Variants in UNC80 observed in about 807,000 individuals in gnomAD.
The protein encoded by UNC80 is unc-80 subunit of NALCN channel complex, also known as protein unc-80 homolog.
Under a neutral mutation model 384.6 loss-of-function variants are expected in UNC80, and 164 were observed. That is an observed-to-expected ratio of 0.43 (90% CI 0.38 to 0.49). The LOEUF is 0.49. Among genes scored for constraint, UNC80 ranks in the 20% least tolerant of loss-of-function variants. The pLI is 0.00. For missense variants in UNC80, 3,330 were observed against 4,143.0 expected, an observed-to-expected ratio of 0.80 and a Z score of 5.39; for synonymous variants, 1,486 against 1,527.8, an observed-to-expected ratio of 0.97 and a Z score of 0.64.
intron 27 of UNC80, among the ~76,000 whole-genome samples, chr2:209,895,147 A>G (rs1041721567): frequency 6.6e-6 from 1 of 152,230 alleles, no homozygotes; most frequent in African/African-American, 2.4e-5. Context: ...AGTCCAAAAT[A>G]TGGGCCCTAA....
intron 22 of UNC80, among the ~76,000 whole-genome samples, chr2:209,868,857 A>G (rs2084056482): frequency 6.6e-6 from 1 of 152,194 alleles, no homozygotes; most frequent in African/African-American, 2.4e-5. Flanking sequence ...TTGCCTTCCC[A>G]GTTAAAATCG....
In UNC80 at chr2:209,980,478, T is replaced by A. The variant is rs1487221610; in HGVS notation, c.9119-1701T>A. 2.0e-5 allele frequency among the ~76,000 whole-genome samples: 3 copies of A among 152,192 alleles called. No homozygotes were observed. In the East Asian group the frequency reaches 5.8e-4, roughly 29 times the overall value. On this transcript the variant is annotated intron_variant, in intron 59 of 64. Transcript: ENST00000673920. ...AGCCATGCAATTTTTTGCTTATATC[T>A]CTGATCACAGACATCGTAACCATCC...
chr2:209,927,035 T>C (rs1021702756), intron 36 of UNC80, 49 bp downstream of exon 36: 2 of 1,543,796 alleles, frequency 1.3e-6, no homozygotes, highest in African/African-American at 2.7e-5. Flanking sequence ...AAGCTGTTTA[T>C]CTGATAGAAG....
In UNC80 at chr2:209,922,288, CTG is replaced by C. The variant is rs2090097617; in HGVS notation, c.5570_5571del (p.Val1857GlufsTer30). On this transcript the variant is annotated frameshift_variant, in exon 35 of 65. Transcript: ENST00000673920. LOFTEE classifies it high-confidence loss of function. ...ACCAATCTGGCATCCCGTCGACTGT[CTG>C]TGAGTCCATCCTGCACCTCCAGCAC... The C allele has an allele frequency of 6.4e-7, 1 of 1,552,242 alleles. No individual in the cohort carries two copies. The highest frequency in any genetic ancestry group is 8.7e-7 in the Non-Finnish European group (1 of 1,147,092).
chr2:209,935,857 C>G lies in UNC80; in HGVS notation c.6273+49C>G, dbSNP rs911576352. ...CAATTTTTAAGGACAATGCTATGGC[C>G]ACCTCACTGAAGATCCATTTTAGAA... On this transcript the variant is annotated intron_variant, in intron 40 of 64. Coordinates refer to ENST00000673920, the MANE Select transcript of UNC80 (RefSeq NM_001371986.1). The G allele has an allele frequency of 7.2e-6, 8 of 1,112,742 alleles. No homozygotes were observed. The African/African-American group carries it at 1.3e-4, about 18-fold the overall frequency. The allele number at this position is 1,112,742 out of a possible 1,614,324, so 68.9% of individuals were successfully genotyped here. A position where few individuals can be genotyped will look rare whatever the true frequency, so the allele number is the denominator to read the frequency against.
At chr2:209,940,412 G>A (rs1026165883) in intron 43 of UNC80, among the ~76,000 whole-genome samples, 2 of 152,208 alleles carry the variant, frequency 1.3e-5, no homozygotes, top group Non-Finnish European at 2.9e-5. Flanking sequence ...TTGAGAGAAA[G>A]AGAGACACAG....
At chr2:209,932,617 A>G (rs1217925907) in intron 38 of UNC80, among the ~76,000 whole-genome samples, 1 of 152,204 alleles carries the variant, frequency 6.6e-6, no homozygotes, top group East Asian at 1.9e-4. Context: ...CTTGATGCCC[A>G]GATAGTTTTA....
intron 12 of UNC80, among the ~76,000 whole-genome samples, chr2:209,819,799 C>G (rs1366814388): frequency 6.6e-6 from 1 of 151,912 alleles, no homozygotes; most frequent in Non-Finnish European, 1.5e-5. Flanking sequence ...AAATAATTTA[C>G]AATATTAAAA....
chr2:209,913,256 A>G (rs549709063), intron 30 of UNC80, among the ~76,000 whole-genome samples: 3 of 152,334 alleles, frequency 2.0e-5, no homozygotes, highest in African/African-American at 7.2e-5. Flanking sequence ...TGAAATGATG[A>G]TGACTTGTCT....
chr2:209,958,379 T>C (rs184022678), intron 49 of UNC80, among the ~76,000 whole-genome samples: 6 of 152,342 alleles, frequency 3.9e-5, no homozygotes, highest in Admixed American at 3.9e-4. Flanking sequence ...AAAAGTTCTT[T>C]TCCCAGTATG....
rs779362260 is a variant in UNC80, at chr2:209,973,017, TGTGATGTTTTTCTTTCCACTTCC to T, written c.8381-44_8381-22del. On this transcript the variant is annotated intron_variant, in intron 55 of 64. Coordinates refer to ENST00000673920, the MANE Select transcript of UNC80 (RefSeq NM_001371986.1). ...TGTATCTACTGTGGACAGTCTACCTTGTGATGTTTTTCTTTCCACTTCCGTCTTCCAAATTCTGCCCCTCAGAT... is the reference window on the plus strand; with the variant it reads ...TGTATCTACTGTGGACAGTCTACCTTGTCTTCCAAATTCTGCCCCTCAGAT... 1.4e-5 allele frequency: 21 copies of T among 1,522,754 alleles called. No individual in the cohort carries two copies. The South Asian group carries it at 2.4e-4, about 18-fold the overall frequency. The allele number at this position is 1,522,754 out of a possible 1,614,324, so 94.3% of individuals were successfully genotyped here.
chr2:209,828,436 A>G (rs114552633), intron 14 of UNC80, among the ~76,000 whole-genome samples: 1,825 of 152,306 alleles, frequency 0.012, 39 homozygotes, highest in African/African-American at 0.04. Flanking sequence ...TGCAATACAG[A>G]TGGAGAGATT....
chr2:209,922,954 A>T (rs1406378119), intron 35 of UNC80, among the ~76,000 whole-genome samples: 1 of 152,212 alleles, frequency 6.6e-6, no homozygotes, highest in Non-Finnish European at 1.5e-5. Flanking sequence ...TTGTAAAAGT[A>T]TTCATTCAAA....
At chr2:209,858,837 C>T (rs2083137734) in intron 22 of UNC80, among the ~76,000 whole-genome samples, 1 of 151,282 alleles carries the variant, frequency 6.6e-6, no homozygotes, top group African/African-American at 2.4e-5. Context: ...GTCATTTTTG[C>T]TTATTTATTA....
At chr2:209,982,543 C>A in intron 60 of UNC80, 1 of 417,640 alleles carries the variant, frequency 2.4e-6, no homozygotes, top group East Asian at 4.2e-5. Context: ...TATTGTCTCT[C>A]CTTAAAAATT....
intron 22 of UNC80, among the ~76,000 whole-genome samples, chr2:209,855,394 A>G (rs2124849969): frequency 6.6e-6 from 1 of 152,300 alleles, no homozygotes; most frequent in Non-Finnish European, 1.5e-5. Flanking sequence ...AGGTACAGCA[A>G]ACCACCATGG....
intron 25 of UNC80, among the ~76,000 whole-genome samples, chr2:209,886,395 T>C (rs970348615): frequency 6.6e-6 from 1 of 151,660 alleles, no homozygotes; most frequent in Non-Finnish European, 1.5e-5. Context: ...CTGGACAACA[T>C]AGCAAGACCC....
chr2:209,883,927 G>A (rs1439720967), intron 25 of UNC80, among the ~76,000 whole-genome samples: 1 of 152,088 alleles, frequency 6.6e-6, no homozygotes, highest in Non-Finnish European at 1.5e-5. Context: ...GCACTGAACA[G>A]TAAATCCACA....
At chr2:209,772,888 G>C (rs1160141412) in intron 1 of UNC80, among the ~76,000 whole-genome samples, 1 of 152,080 alleles carries the variant, frequency 6.6e-6, no homozygotes, top group Admixed American at 6.5e-5. Flanking sequence ...AAACCATCGA[G>C]ATCCACTTCT....
Sources: allele counts gnomAD v4.1 joint callset (sites outside exome capture counted in the v4.1 genomes callset), GRCh38; gene constraint gnomAD v4.1.1; transcripts MANE v1.5; gene names NCBI Gene and HGNC (gene_info 2026-07-23, HGNC 2026-07-21).